Variants in EPHX2 observed in about 807,000 individuals in gnomAD.
EPHX2 encodes epoxide hydrolase 2.
A neutral mutation model predicts 78.7 loss-of-function variants in EPHX2; 74 were observed. That is an observed-to-expected ratio of 0.94 (90% confidence interval 0.78 to 1.14). The LOEUF (loss-of-function observed/expected upper bound fraction) is 1.14. EPHX2 is among the 50% of genes most tolerant of loss of function. The pLI is 0.00. For missense variants in EPHX2, 715 were observed against 702.5 expected, an observed-to-expected ratio of 1.02 and a Z score of -0.20; for synonymous variants, 251 against 255.2, an observed-to-expected ratio of 0.98 and a Z score of 0.16.
intron 12 of EPHX2, among the ~76,000 whole-genome samples, chr8:27,526,686 G>A (rs1023551665): frequency 1.1e-4 from 16 of 152,102 alleles, no homozygotes; most frequent in African/African-American, 3.1e-4. Flanking sequence ...TTTCTCTTGA[G>A]GCCTCTCTCC....
Position 27,543,752 on chromosome 8 carries a change from C to T in EPHX2, c.1453C>T (p.Leu485=). The part of the protein sequence containing the change: ...WACKSLGRKI[L]IPALMVTAEK... ...CTGTTTCCTGTTCTCCCCCCAGATC[C>T]TGATTCCGGCCCTGATGGTCACGGC... The change falls in exon 17 of 19, where the codon CTG becomes TTG. Residue 485 remains leucine (L), a synonymous_variant. Coordinates refer to ENST00000521400, the MANE Select transcript of EPHX2 (RefSeq NM_001979.6). 6.8e-6 allele frequency: 11 copies of T among 1,613,970 alleles called. No homozygotes were observed. Among genetic ancestry groups the T allele is most frequent in the Non-Finnish European group, 9.3e-6 (11 of 1,179,986 alleles).
At chr8:27,519,360 G>A (rs925376478) in intron 9 of EPHX2, among the ~76,000 whole-genome samples, 1 of 152,220 alleles carries the variant, frequency 6.6e-6, no homozygotes, top group African/African-American at 2.4e-5. Context: ...AAAGAAGCCA[G>A]TTTCTGTGTC....
chr8:27,514,003 C>G (rs1814349938), intron 6 of EPHX2, among the ~76,000 whole-genome samples: 1 of 152,162 alleles, frequency 6.6e-6, no homozygotes, highest in Non-Finnish European at 1.5e-5. Flanking sequence ...AGCAAAATAG[C>G]TTGTTGGGAA....
At chr8:27,548,555 C>G (rs1815610234), downstream of EPHX2, among the ~76,000 whole-genome samples, 1 of 152,206 alleles carries the variant, frequency 6.6e-6, no homozygotes, top group African/African-American at 2.4e-5. Flanking sequence ...GAAACCCAAC[C>G]CAGCACTGGC....
chr8:27,491,678 C>T (rs567223422), intron 1 of EPHX2, among the ~76,000 whole-genome samples: 6 of 152,262 alleles, frequency 3.9e-5, no homozygotes, highest in African/African-American at 1.4e-4. Flanking sequence ...TGCATGCTTA[C>T]TTGTGTAATA....
chr8:27,544,412 A>G (rs1390322280), intron 18 of EPHX2, 32 bp from the exon 19 acceptor site: 5 of 1,613,266 alleles, frequency 3.1e-6, no homozygotes, highest in South Asian at 2.2e-5. Context: ...GTGAATGGCT[A>G]TTTTTTTCTT....
At chr8:27,547,873 G>A (rs1221469018), downstream of EPHX2, among the ~76,000 whole-genome samples, 1 of 152,098 alleles carries the variant, frequency 6.6e-6, no homozygotes, top group Non-Finnish European at 1.5e-5. Flanking sequence ...GCGTTGCTGC[G>A]AGAGACAAGA....
chr8:27,505,448 G>A (rs558838846), intron 4 of EPHX2, among the ~76,000 whole-genome samples: 36 of 152,280 alleles, frequency 2.4e-4, no homozygotes, highest in Admixed American at 1.8e-3. Context: ...GAGATCCTGG[G>A]AGACTTGCAA....
intron 16 of EPHX2, among the ~76,000 whole-genome samples, chr8:27,542,442 TGGTTGAA>T (rs1815432635): frequency 6.6e-6 from 1 of 152,130 alleles, no homozygotes; most frequent in African/African-American, 2.4e-5. Flanking sequence ...AAGGATGAAA[TGGTTGAA>T]GGCATGTGAC....
At chr8:27,511,791 A>C (rs1355012936) in intron 5 of EPHX2, 45 bp from the exon 6 acceptor site, 2 of 1,580,506 alleles carry the variant, frequency 1.3e-6, no homozygotes, top group South Asian at 2.2e-5. Flanking sequence ...CTCTCACGGA[A>C]GGAGGCTGCT....
intron 6 of EPHX2, 105 bp downstream of exon 6, chr8:27,512,015 C>A: frequency 8.6e-7 from 1 of 1,160,628 alleles, no homozygotes; most frequent in Non-Finnish European, 1.3e-6. Context: ...TCACCTGAAC[C>A]TGAGCCTGGG....
At chr8:27,514,577 A>G (rs1814379737) in intron 6 of EPHX2, among the ~76,000 whole-genome samples, 1 of 152,160 alleles carries the variant, frequency 6.6e-6, no homozygotes, top group Admixed American at 6.5e-5. Flanking sequence ...CACCAAGTGT[A>G]TTTCTCGCCT....
Position 27,543,770 on chromosome 8 carries a change from G to A in EPHX2, c.1471G>A (p.Val491Ile), listed in dbSNP as rs1284918396. ...GRKILIPALM[V>I]TAEKDFVLVP... is the part of the protein sequence containing the mutation. ...CCAGATCCTGATTCCGGCCCTGATG[G>A]TCACGGCGGAGAAGGACTTCGTGCT... is the stretch of plus-strand genomic sequence containing the variant. The change falls in exon 17 of 19, where the codon GTC (valine) becomes ATC (isoleucine). Residue 491 changes from valine (V) to isoleucine (I), a missense_variant. Physicochemically the swap from Val to Ile is conservative, Grantham distance 29. Transcript: ENST00000521400. The A allele has an allele frequency of 1.9e-6, 3 of 1,613,992 alleles. No homozygotes were observed. In the African/African-American group the frequency reaches 4.0e-5, roughly 22 times the overall value.
chr8:27,530,718 T>C (rs1815007493), intron 12 of EPHX2, among the ~76,000 whole-genome samples: 1 of 152,112 alleles, frequency 6.6e-6, no homozygotes, highest in Non-Finnish European at 1.5e-5. Context: ...CACTGTTTGC[T>C]ACCTTATGCA....
At chr8:27,512,114 A>AG (rs1348354073) in intron 6 of EPHX2, 208 of 533,096 alleles carry the variant, frequency 3.9e-4, no homozygotes, top group Non-Finnish European at 5.9e-4. Flanking sequence ...AAAAAAAAAA[A>AG]AAAAGGACCA....
chr8:27,510,231 T>TA (rs1216737029), intron 5 of EPHX2, among the ~76,000 whole-genome samples: 1 of 152,250 alleles, frequency 6.6e-6, no homozygotes, highest in African/African-American at 2.4e-5. Flanking sequence ...TTCGTTGGGT[T>TA]ACGCCTTTAG....
Position 27,520,898 on chromosome 8 carries a change from C to T in EPHX2, c.961C>T (p.Leu321=), listed in dbSNP as rs766990793. The T allele has an allele frequency of 1.2e-6, 2 of 1,614,172 alleles. No individual in the cohort carries two copies. The highest frequency in any genetic ancestry group is 1.7e-5 in the Admixed American group (1 of 60,030). ...TCTTCCTTAGGAGATGGTAACCTTC[C>T]TGGATAAACTGGTAAGTCATTATTT... ...EVLCKEMVTF[L]DKLGLSQAVF... The change falls in exon 10 of 19, where the codon CTG becomes TTG. Residue 321 remains leucine, a synonymous_variant. Transcript: ENST00000521400.
chr8:27,514,246 G>A (rs932372984), intron 6 of EPHX2, among the ~76,000 whole-genome samples: 2 of 152,170 alleles, frequency 1.3e-5, no homozygotes, highest in African/African-American at 4.8e-5. Context: ...GTTTGAGGCT[G>A]CAGTGAGCTA....
chr8:27,513,797 T>G (rs1379164356), intron 6 of EPHX2, among the ~76,000 whole-genome samples: 2 of 152,114 alleles, frequency 1.3e-5, no homozygotes, highest in Non-Finnish European at 2.9e-5. Context: ...AGCTGTTTAG[T>G]TGGGATCTGT....
Sources: allele counts gnomAD v4.1 joint callset (sites outside exome capture counted in the v4.1 genomes callset), GRCh38; gene constraint gnomAD v4.1.1; transcripts MANE v1.5; gene names NCBI Gene and HGNC (gene_info 2026-07-23, HGNC 2026-07-21).